ARID1B: variants seen among roughly 807,000 people sequenced by gnomAD.
ARID1B encodes AT-rich interaction domain 1B, also known as AT-rich interactive domain-containing protein 1B.
A neutral mutation model predicts 212.3 loss-of-function variants in ARID1B; 30 were observed. The observed-to-expected ratio is 0.14, with a 90% CI of 0.11 to 0.19. The LOEUF (loss-of-function observed/expected upper bound fraction) is 0.19. ARID1B is among the 10% of genes least tolerant of loss of function. The pLI, the probability that ARID1B is intolerant of heterozygous loss-of-function variation, is 1.00. For missense variants in ARID1B, 2,891 were observed against 3,204.0 expected, an observed-to-expected ratio of 0.90 and a Z score of 2.36; for synonymous variants, 1,402 against 1,301.7, an observed-to-expected ratio of 1.08 and a Z score of -1.66.
At chr6:157,032,578 A>G (rs868522931) in intron 4 of ARID1B, among the ~76,000 whole-genome samples, 3 of 152,230 alleles carry the variant, frequency 2.0e-5, no homozygotes, top group South Asian at 2.1e-4. Context: ...CTAGGTGTAC[A>G]CATAAACCTG....
chr6:157,161,876 T>C (rs1270837920), intron 8 of ARID1B, among the ~76,000 whole-genome samples: 3 of 152,216 alleles, frequency 2.0e-5, no homozygotes, highest in African/African-American at 7.2e-5. Flanking sequence ...ACAGTCCGTA[T>C]AGAGAAAGTT....
At chr6:156,866,134 T>G (rs1459564569) in intron 2 of ARID1B, among the ~76,000 whole-genome samples, 2 of 152,192 alleles carry the variant, frequency 1.3e-5, no homozygotes, top group East Asian at 3.8e-4. Flanking sequence ...TTCTTATTGG[T>G]CCAGCCTCAG....
chr6:157,044,020 C>G (rs1012838142), intron 4 of ARID1B, among the ~76,000 whole-genome samples: 3 of 152,206 alleles, frequency 2.0e-5, no homozygotes, highest in African/African-American at 7.2e-5. Flanking sequence ...TAAGTCCTTG[C>G]TTCCACGGAT....
At chr6:156,850,008 C>T (rs1480727575) in intron 2 of ARID1B, among the ~76,000 whole-genome samples, 1 of 148,780 alleles carries the variant, frequency 6.7e-6, no homozygotes, top group Non-Finnish European at 1.5e-5. Flanking sequence ...TGTTCTTGCA[C>T]GGCTGTCTTT....
chr6:156,995,088 C>T (rs569522168), intron 4 of ARID1B, among the ~76,000 whole-genome samples: 22 of 152,302 alleles, frequency 1.4e-4, no homozygotes, highest in African/African-American at 4.3e-4. Context: ...TTCCTAGGCA[C>T]GTCTGTCTCT....
At chr6:156,997,678 G>A (rs1392388754) in intron 4 of ARID1B, among the ~76,000 whole-genome samples, 1 of 142,644 alleles carries the variant, frequency 7.0e-6, no homozygotes, top group Non-Finnish European at 1.5e-5. Context: ...TTTTTTTGCT[G>A]TTATTTCCAC....
At chr6:157,071,120 G>A (rs555261587) in intron 4 of ARID1B, 6 of 152,246 alleles carry the variant, frequency 3.9e-5, no homozygotes, top group African/African-American at 1.4e-4. Context: ...TAAAGATGCT[G>A]CTTTTATTCT....
At position 157,039,322 on chromosome 6, in the gene ARID1B, CTTTTTTTTT is replaced by C. The variant is rs1003131791; in HGVS notation, c.2248-45329_2248-45321del. 8.4e-4 allele frequency among the ~76,000 whole-genome samples: 86 copies of C among 102,952 alleles called. 2 individuals carry two copies. Among genetic ancestry groups the C allele is most frequent in the South Asian group, 6.6e-3 (24 of 3,662 alleles). The allele number at this position is 102,952 out of a possible 152,430, so 67.5% of individuals were successfully genotyped here. A position where few individuals can be genotyped will look rare whatever the true frequency, so the allele number is the denominator to read the frequency against. On this transcript the variant is annotated intron_variant, in intron 4 of 19. Transcript: ENST00000636930. ...ATTAAAAATGGGAAATTTGACATTT[CTTTTTTTTT>C]TTTTTTTTTTGAGACGGAGTCTCGC...
chr6:157,135,860 T>A (rs1258756632), intron 7 of ARID1B, among the ~76,000 whole-genome samples: 4 of 152,224 alleles, frequency 2.6e-5, no homozygotes, highest in Non-Finnish European at 5.9e-5. Flanking sequence ...GCATTAGAAG[T>A]GTTCATATCT....
intron 1 of ARID1B, among the ~76,000 whole-genome samples, chr6:156,781,661 G>T (rs1176936420): frequency 2.0e-5 from 3 of 151,976 alleles, no homozygotes; most frequent in African/African-American, 4.8e-5. Flanking sequence ...AAGGATAATA[G>T]ATTTTTCTAT....
intron 7 of ARID1B, among the ~76,000 whole-genome samples, chr6:157,143,168 T>C (rs992269125): frequency 6.6e-6 from 1 of 152,162 alleles, no homozygotes; most frequent in African/African-American, 2.4e-5. Flanking sequence ...TGTGCCAAGA[T>C]GAACCCACTT....
intron 3 of ARID1B, among the ~76,000 whole-genome samples, chr6:156,916,668 A>G (rs916891986): frequency 6.6e-6 from 1 of 152,120 alleles, no homozygotes; most frequent in Non-Finnish European, 1.5e-5. Flanking sequence ...GATGCATCAC[A>G]TGCAGGTCTG....
chr6:156,784,220 A>C (rs776115448), intron 1 of ARID1B, among the ~76,000 whole-genome samples: 2 of 151,656 alleles, frequency 1.3e-5, no homozygotes, highest in African/African-American at 2.4e-5. Context: ...TTCTCTGTGG[A>C]TATGTAAAGT....
chr6:157,027,189 A>G (rs183857286), intron 4 of ARID1B, among the ~76,000 whole-genome samples: 7 of 152,306 alleles, frequency 4.6e-5, no homozygotes, highest in African/African-American at 1.2e-4. Context: ...TAGTTTACCT[A>G]ATTAAATAGA....
At chr6:157,083,298 G>A (rs914839837) in intron 4 of ARID1B, among the ~76,000 whole-genome samples, 2 of 152,220 alleles carry the variant, frequency 1.3e-5, no homozygotes, top group African/African-American at 2.4e-5. Context: ...TCTATAGTAT[G>A]TAGTCTTCAG....
chr6:156,910,822 A>G (rs1789814766), intron 3 of ARID1B, among the ~76,000 whole-genome samples: 2 of 152,216 alleles, frequency 1.3e-5, no homozygotes, highest in African/African-American at 2.4e-5. Flanking sequence ...CATACAGATA[A>G]TACCTTCTCA....
rs145742226 is a variant in ARID1B at position 157,083,963 on chromosome 6, G to A, written c.2248-699G>A. On this transcript the variant is annotated intron_variant, in intron 4 of 19. Transcript: ENST00000636930. Reference sequence around the variant, plus strand: ...AGCCTGGCCAACATGGTGAAACCCCGTCTCTATTAAAAATACAAAAATTAG... The same window carrying A: ...AGCCTGGCCAACATGGTGAAACCCCATCTCTATTAAAAATACAAAAATTAG... Among the ~76,000 whole-genome samples the A allele has an allele frequency of 5.7e-3, 859 of 151,784 alleles. 14 individuals are homozygous for A. The highest frequency in any genetic ancestry group is 0.019 in the African/African-American group (791 of 41,460).
At chr6:156,929,769 T>C (rs1791547840) in intron 3 of ARID1B, among the ~76,000 whole-genome samples, 1 of 152,216 alleles carries the variant, frequency 6.6e-6, no homozygotes, top group Non-Finnish European at 1.5e-5. Context: ...TGACGCTCTT[T>C]GTTGGATTTT....
At chr6:157,181,757 G>A (rs1792555163) in intron 12 of ARID1B, among the ~76,000 whole-genome samples, 1 of 152,174 alleles carries the variant, frequency 6.6e-6, no homozygotes, top group African/African-American at 2.4e-5. Flanking sequence ...GACTCTCAGA[G>A]TGAGTGCGTC....
Sources: gnomAD v4.1 joint callset for allele counts (sites outside exome capture counted in the v4.1 genomes callset) on GRCh38, gnomAD v4.1.1 for gene constraint, MANE v1.5 for transcripts, NCBI Gene and HGNC (gene_info 2026-07-23, HGNC 2026-07-21) for gene names.